NRG3: variants seen among roughly 807,000 people sequenced by gnomAD.
NRG3 encodes pro-neuregulin-3, membrane-bound isoform.
NRG3 carries 31 observed loss-of-function variants against 66.9 expected under a neutral mutation model. That is an observed-to-expected ratio of 0.46 (90% CI 0.35 to 0.63). The LOEUF (loss-of-function observed/expected upper bound fraction) is 0.63. NRG3 is among the 20% of genes least tolerant of loss of function. NRG3 has a pLI of 0.00. For missense variants in NRG3, 910 were observed against 878.9 expected (o/e 1.04, Z -0.45); for synonymous variants, 393 against 359.4 (o/e 1.09, Z -1.06).
chr10:81,882,329 G>A (rs1379854935), intron 1 of NRG3, among the ~76,000 whole-genome samples: 1 of 152,128 alleles, frequency 6.6e-6, no homozygotes. Context: ...CCTTTAGGAG[G>A]TAACAGTATT....
At chr10:82,331,744 A>G (rs1318506123) in intron 1 of NRG3, among the ~76,000 whole-genome samples, 2 of 152,208 alleles carry the variant, frequency 1.3e-5, no homozygotes, top group Admixed American at 1.3e-4. Flanking sequence ...CCTGTTTATT[A>G]AAGTGGACCA....
At chr10:82,286,771 A>C (rs1390698531) in intron 1 of NRG3, among the ~76,000 whole-genome samples, 2 of 152,098 alleles carry the variant, frequency 1.3e-5, no homozygotes, top group Admixed American at 6.6e-5. Flanking sequence ...TATTTTTAGT[A>C]GAGATGGGGT....
At chr10:82,682,254 C>A (rs2134129270) in intron 2 of NRG3, among the ~76,000 whole-genome samples, 1 of 150,698 alleles carries the variant, frequency 6.6e-6, no homozygotes, top group Admixed American at 6.6e-5. Context: ...TCACCACAAA[C>A]CTTGTCACAT....
rs778018755 is a variant in NRG3 at position 82,978,955 on chromosome 10, T to C, written c.1418T>C (p.Leu473Pro). ...TTTTCATTCCACCCCAGCAGGAGTC[T>C]ATCCTCTTGCTGCAGCCCAGGGCAA... ...GSQSVKHHRS[L>P]SSCCSPGQRS... Residue 473 changes from leucine (L) to proline (P), a missense_variant, in exon 8 of 9, where the codon CTA (leucine) becomes CCA (proline). Physicochemically the swap from Leu to Pro is moderately conservative, Grantham distance 98. Transcript: ENST00000372141. 16 of 1,613,662 alleles carry C rather than the reference T, an allele frequency of 9.9e-6. No homozygotes were observed. The highest frequency in any genetic ancestry group is 1.4e-5 in the Non-Finnish European group (16 of 1,179,866).
intron 2 of NRG3, among the ~76,000 whole-genome samples, chr10:82,450,997 T>C (rs2090994620): frequency 6.6e-6 from 1 of 152,206 alleles, no homozygotes. Context: ...CCTTATCATC[T>C]ACGTTAACTG....
chr10:82,708,648 A>T (rs1271183630), intron 2 of NRG3, among the ~76,000 whole-genome samples: 1 of 152,178 alleles, frequency 6.6e-6, no homozygotes, highest in African/African-American at 2.4e-5. Context: ...CTATATGTAT[A>T]CTTTTTATTT....
At chr10:82,709,387 G>A (rs1445470265) in intron 2 of NRG3, among the ~76,000 whole-genome samples, 1 of 151,170 alleles carries the variant, frequency 6.6e-6, no homozygotes, top group Non-Finnish European at 1.5e-5. Context: ...TTGTTTGTTT[G>A]TTTGTTTGTT....
chr10:82,613,786 A>G (rs527500231), intron 2 of NRG3, among the ~76,000 whole-genome samples: 4 of 150,342 alleles, frequency 2.7e-5, no homozygotes, highest in African/African-American at 9.7e-5. Context: ...TGCTGCACCC[A>G]TTAACTCGTC....
At chr10:82,642,423 C>T (rs535704794) in intron 2 of NRG3, among the ~76,000 whole-genome samples, 1 of 152,068 alleles carries the variant, frequency 6.6e-6, no homozygotes, top group East Asian at 1.9e-4. Flanking sequence ...AACTAAATAG[C>T]ATATACTTCC....
At chr10:82,113,605 A>C (rs1347915449) in intron 1 of NRG3, among the ~76,000 whole-genome samples, 1 of 152,164 alleles carries the variant, frequency 6.6e-6, no homozygotes, top group East Asian at 1.9e-4. Context: ...AACATGATAC[A>C]TTGGATTGGA....
intron 2 of NRG3, among the ~76,000 whole-genome samples, chr10:82,551,184 G>T (rs1301204604): frequency 1.3e-5 from 2 of 152,128 alleles, no homozygotes; most frequent in Non-Finnish European, 2.9e-5. Flanking sequence ...ATTTGAGGAA[G>T]TAGCATGCAG....
intron 4 of NRG3, among the ~76,000 whole-genome samples, chr10:82,877,216 A>G (rs982067792): frequency 3.3e-5 from 5 of 152,054 alleles, no homozygotes; most frequent in African/African-American, 4.8e-5. Flanking sequence ...GTTCTTCTCA[A>G]TAAGCAGAGT....
chr10:82,074,759 C>G (rs1457167081), intron 1 of NRG3, among the ~76,000 whole-genome samples: 2 of 152,170 alleles, frequency 1.3e-5, no homozygotes, highest in African/African-American at 2.4e-5. Flanking sequence ...ATCTCTTGAG[C>G]CCAGGAATTG....
intron 2 of NRG3, among the ~76,000 whole-genome samples, chr10:82,390,960 A>G (rs561592772): frequency 6.6e-6 from 1 of 152,252 alleles, no homozygotes; most frequent in South Asian, 2.1e-4. Flanking sequence ...AGATGAAGTG[A>G]GTGGATTGGG....
intron 2 of NRG3, among the ~76,000 whole-genome samples, chr10:82,695,012 T>C (rs1049880894): frequency 6.6e-6 from 1 of 152,092 alleles, no homozygotes; most frequent in Non-Finnish European, 1.5e-5. Flanking sequence ...CAATTACAAT[T>C]ACAATCTCAA....
chr10:82,001,706 G>C (rs1011176518), intron 1 of NRG3, among the ~76,000 whole-genome samples: 3 of 152,038 alleles, frequency 2.0e-5, no homozygotes, highest in Admixed American at 6.6e-5. Context: ...CACTTTTTTT[G>C]TACTGATATT....
intron 1 of NRG3, among the ~76,000 whole-genome samples, chr10:82,007,211 CTTTT>C (rs34146080): frequency 1.5e-5 from 2 of 130,542 alleles, no homozygotes; most frequent in Non-Finnish European, 1.6e-5. Context: ...TTTTTCTTTT[CTTTT>C]TTTTTTTTTT....
chr10:82,545,724 C>T (rs968202137), intron 2 of NRG3, among the ~76,000 whole-genome samples: 17 of 149,756 alleles, frequency 1.1e-4, no homozygotes, highest in African/African-American at 3.9e-4. Context: ...CTGTGTAATG[C>T]TATCTTTCTT....
chr10:82,416,824 C>T (rs2088617779), intron 2 of NRG3, among the ~76,000 whole-genome samples: 2 of 152,166 alleles, frequency 1.3e-5, no homozygotes, highest in South Asian at 2.1e-4. Flanking sequence ...CACCTCCAGA[C>T]TCTGCCTTTG....
Sources: allele counts gnomAD v4.1 joint callset (sites outside exome capture counted in the v4.1 genomes callset), GRCh38; gene constraint gnomAD v4.1.1; transcripts MANE v1.5; gene names NCBI Gene and HGNC (gene_info 2026-07-23, HGNC 2026-07-21).